BTBD7: variants seen among roughly 807,000 people sequenced by gnomAD.
BTBD7 encodes BTB domain containing 7.
BTBD7 carries 38 observed loss-of-function variants against 99.9 expected under a neutral mutation model. The observed-to-expected ratio is 0.38, with a 90% CI of 0.29 to 0.50. The LOEUF (loss-of-function observed/expected upper bound fraction) is 0.50. Ranked by LOEUF, BTBD7 falls within the 20% of genes least tolerant of loss-of-function variation. The pLI, the probability that BTBD7 is intolerant of heterozygous loss-of-function variation, is 0.93. For missense variants in BTBD7, 1,170 were observed against 1,394.6 expected, an observed-to-expected ratio of 0.84 and a Z score of 2.57; for synonymous variants, 520 against 511.4, an observed-to-expected ratio of 1.02 and a Z score of -0.23.
chr14:93,248,725 G>GA (rs2052340677), intron 8 of BTBD7, 71 bp from the exon 9 acceptor site: 22 of 1,356,356 alleles, frequency 1.6e-5, no homozygotes, highest in East Asian at 2.6e-5. Context: ...GAGCCCAAGG[G>GA]AAAAAAGCAT....
At chr14:93,296,213 AGTTT>A (rs2052924997) in intron 1 of BTBD7, 56 bp from the exon 2 acceptor site, 1 of 1,228,424 alleles carries the variant, frequency 8.1e-7, no homozygotes, top group African/African-American at 1.6e-5. Context: ...CTCAGATCAC[AGTTT>A]TTTTTAAAAA....
rs190439002 is a variant in BTBD7 at position 93,260,322 on chromosome 14, A to G, written c.1447+1280T>C. Among the ~76,000 whole-genome samples the G allele has an allele frequency of 7.2e-5, 11 of 152,356 alleles. No individual in the cohort carries two copies. The East Asian group carries it at 2.1e-3, about 29-fold the overall frequency. ...AAGGAAATTGGTATTTAATTTTTCAATTAAAAATTTTAAATTTAGATTCAG... is the reference window on the plus strand; with the variant it reads ...AAGGAAATTGGTATTTAATTTTTCAGTTAAAAATTTTAAATTTAGATTCAG... On this transcript the variant is annotated intron_variant, in intron 5 of 10. Coordinates refer to ENST00000334746, the MANE Select transcript of BTBD7 (RefSeq NM_001002860.4).
At chr14:93,277,483 T>C (rs563683965) in intron 3 of BTBD7, among the ~76,000 whole-genome samples, 1 of 152,306 alleles carries the variant, frequency 6.6e-6, no homozygotes, top group Non-Finnish European at 1.5e-5. Context: ...GCAGGCATCT[T>C]GCTGGAAGAG....
At chr14:93,323,530 CA>C (rs1450785044) in intron 1 of BTBD7, among the ~76,000 whole-genome samples, 1 of 152,044 alleles carries the variant, frequency 6.6e-6, no homozygotes, top group Non-Finnish European at 1.5e-5. Context: ...CTTAAGCAAG[CA>C]AAAAATATTT....
chr14:93,321,621 G>T lies in BTBD7; in HGVS notation c.-107+11199C>A, dbSNP rs2053271092. 2.0e-5 allele frequency among the ~76,000 whole-genome samples: 3 copies of T among 152,208 alleles called. No individual in the cohort carries two copies. In the South Asian group the frequency reaches 6.2e-4, roughly 32 times the overall value. ...CAAACAAGCAAACAATACCCCAAAG[G>T]TGCTCATAGTGGGGCAAACTGTTGA... On this transcript the variant is annotated intron_variant, in intron 1 of 10. Coordinates refer to ENST00000334746, the MANE Select transcript of BTBD7 (RefSeq NM_001002860.4).
chr14:93,281,519 T>C lies in BTBD7; in HGVS notation c.1162+12339A>G, dbSNP rs964899962. On this transcript the variant is annotated intron_variant, in intron 3 of 10. Coordinates refer to ENST00000334746, the MANE Select transcript of BTBD7 (RefSeq NM_001002860.4). ...TAAACACTTTTAGTATTATCTGTGT[T>C]ATCTGACCACCCAACCTATTACTTG... Among the ~76,000 whole-genome samples, 3 of 152,232 alleles carry C rather than the reference T, an allele frequency of 2.0e-5. No individual in the cohort carries two copies. The South Asian group carries it at 6.2e-4, about 31-fold the overall frequency.
chr14:93,253,235 T>C (rs1403821909), intron 7 of BTBD7, among the ~76,000 whole-genome samples: 2 of 152,212 alleles, frequency 1.3e-5, no homozygotes, highest in Admixed American at 6.5e-5. Context: ...CAGTCAGCTA[T>C]TGCAGAAATA....
intron 3 of BTBD7, 147 bp from the exon 4 acceptor site, chr14:93,264,140 G>A (rs2052518237): frequency 1.4e-6 from 1 of 702,532 alleles, no homozygotes. Flanking sequence ...CCAAGACTTG[G>A]TGGGATGGGT....
chr14:93,284,793 AAAG>A (rs2052758695), intron 3 of BTBD7, among the ~76,000 whole-genome samples: 1 of 152,182 alleles, frequency 6.6e-6, no homozygotes, highest in Admixed American at 6.5e-5. Flanking sequence ...GTTCGGTCTT[AAAG>A]GTTAGGGTAG....
intron 8 of BTBD7, among the ~76,000 whole-genome samples, chr14:93,249,802 G>A (rs1179934272): frequency 1.3e-5 from 2 of 152,074 alleles, no homozygotes; most frequent in African/African-American, 2.4e-5. Context: ...GATGAGAGGC[G>A]GGAACACGGG....
chr14:93,278,720 G>T (rs1251494159), intron 3 of BTBD7, among the ~76,000 whole-genome samples: 2 of 152,202 alleles, frequency 1.3e-5, no homozygotes, highest in African/African-American at 4.8e-5. Context: ...TGTACATGTG[G>T]TCTGCTGTTG....
rs2052991495 is a variant in BTBD7, at chr14:93,300,764, GTGTGTGTGTATATATA to G, written c.-106-4623_-106-4608del. ...TGTGTGTGTGTGTGTGTGTGTGTGT[GTGTGTGTGTATATATA>G]TATATATTTTTTTTTTGTAGAGATA... On this transcript the variant is annotated intron_variant, in intron 1 of 10. Transcript: ENST00000334746. Among the ~76,000 whole-genome samples the G allele has an allele frequency of 2.9e-4, 9 of 31,538 alleles. 2 individuals are homozygous for G. The highest frequency in any genetic ancestry group is 2.8e-4 in the African/African-American group (1 of 3,558). 20.7% of individuals were successfully genotyped at this position (31,538 alleles called of 152,430 possible). A position where few individuals can be genotyped will look rare whatever the true frequency, so the allele number is the denominator to read the frequency against.
intron 3 of BTBD7, among the ~76,000 whole-genome samples, chr14:93,270,780 G>GCAC (rs2052593331): frequency 6.6e-6 from 1 of 152,028 alleles, no homozygotes; most frequent in Non-Finnish European, 1.5e-5. Flanking sequence ...TGGATAAAAG[G>GCAC]CACCAATACA....
intron 6 of BTBD7, 66 bp downstream of exon 6, chr14:93,257,129 A>G: frequency 1.3e-6 from 2 of 1,499,150 alleles, no homozygotes. Flanking sequence ...ATTATTTACA[A>G]TGAATAAAAA....
intron 3 of BTBD7, among the ~76,000 whole-genome samples, chr14:93,266,244 C>T (rs140479029): frequency 1.3e-4 from 19 of 151,650 alleles, no homozygotes; most frequent in Admixed American, 2.6e-4. Context: ...TTTTCAGGTA[C>T]GAGCATTGAG....
chr14:93,238,424 T>C lies in BTBD7; in HGVS notation c.*3849A>G, dbSNP rs1408513686. ...TGTTAAGTCTTTTAGTAAGATTATCTGTAATGAGGTTTGAAAGTAAATCAC... is the reference window on the plus strand; with the variant it reads ...TGTTAAGTCTTTTAGTAAGATTATCCGTAATGAGGTTTGAAAGTAAATCAC... On this transcript the variant is annotated 3_prime_UTR_variant, in exon 11 of 11. Transcript: ENST00000334746. 1.3e-5 allele frequency: 2 copies of C among 152,620 alleles called. No individual in the cohort carries two copies. The highest frequency in any genetic ancestry group is 4.8e-5 in the African/African-American group (2 of 41,452). 9.5% of individuals were successfully genotyped at this position (152,620 alleles called of 1,614,324 possible). A position where few individuals can be genotyped will look rare whatever the true frequency, so the allele number is the denominator to read the frequency against.
rs556334454 is a variant in BTBD7, at chr14:93,264,823, G to A, written c.1163-830C>T. On this transcript the variant is annotated intron_variant, in intron 3 of 10. Transcript: ENST00000334746. The stretch of plus-strand genomic sequence containing the variant: ...GGTGTTTAAACACCACCACCAGGCC[G>A]GACACAGTGGCTCTTGCTTGTAATC... Among the ~76,000 whole-genome samples, 99 of 152,250 alleles carry A rather than the reference G, an allele frequency of 6.5e-4. 1 individual carries two copies. The highest frequency in any genetic ancestry group is 3.4e-3 in the Middle Eastern group (1 of 292).
At chr14:93,260,553 A>AT (rs758622305) in intron 5 of BTBD7, among the ~76,000 whole-genome samples, 2,334 of 136,430 alleles carry the variant, frequency 0.017, 39 homozygotes, top group African/African-American at 0.043. Flanking sequence ...CTTCCACAAC[A>AT]TTTTTTTTTT....
intron 1 of BTBD7, among the ~76,000 whole-genome samples, chr14:93,303,701 G>A (rs1272682577): frequency 6.6e-6 from 1 of 152,316 alleles, no homozygotes; most frequent in South Asian, 2.1e-4. Flanking sequence ...AGACACAAAT[G>A]GGCCTCTCCT....
Sources: gnomAD v4.1 joint callset for allele counts (sites outside exome capture counted in the v4.1 genomes callset) on GRCh38, gnomAD v4.1.1 for gene constraint, MANE v1.5 for transcripts, NCBI Gene and HGNC (gene_info 2026-07-23, HGNC 2026-07-21) for gene names.